Variants in PALS2 observed in about 807,000 individuals in gnomAD.
PALS2 encodes protein associated with LIN7 2, MAGUK p55 family member, also known as protein PALS2.
PALS2 carries 27 observed loss-of-function variants against 61.6 expected under a neutral mutation model. The observed-to-expected ratio is 0.44, with a 90% CI of 0.32 to 0.60. PALS2 has a LOEUF of 0.60. PALS2 is among the 20% of genes least tolerant of loss of function. The pLI is 0.05. For missense variants in PALS2, 554 were observed against 639.4 expected, an observed-to-expected ratio of 0.87 and a Z score of 1.44; for synonymous variants, 236 against 218.6, an observed-to-expected ratio of 1.08 and a Z score of -0.70.
chr7:24,676,754 T>A (rs1787620288), intron 9 of PALS2, among the ~76,000 whole-genome samples: 1 of 151,164 alleles, frequency 6.6e-6, no homozygotes, highest in Non-Finnish European at 1.5e-5. Context: ...TTGGTACCAG[T>A]CCCATGCTGT....
At position 24,679,916 on chromosome 7, in the gene PALS2, A is replaced by G. The variant is rs543235378; in HGVS notation, c.1318-476A>G. 8.0e-4 allele frequency among the ~76,000 whole-genome samples: 122 copies of G among 152,320 alleles called. No homozygotes were observed. The South Asian group carries it at 9.7e-3, about 12-fold the overall frequency. On this transcript the variant is annotated intron_variant, in intron 10 of 11. Coordinates refer to ENST00000222644, the MANE Select transcript of PALS2 (RefSeq NM_001303037.2). Reference sequence around the variant, plus strand: ...TTCTGTTTTTGTTGTTTCTTTTTACATAAATGGAAAAATTCTATATAGATT... The same window carrying G: ...TTCTGTTTTTGTTGTTTCTTTTTACGTAAATGGAAAAATTCTATATAGATT...
At chr7:24,634,837 C>T (rs1032106779) in intron 2 of PALS2, among the ~76,000 whole-genome samples, 1 of 152,054 alleles carries the variant, frequency 6.6e-6, no homozygotes, top group South Asian at 2.1e-4. Flanking sequence ...TATTTTTTCC[C>T]CATTGAGTGG....
At chr7:24,625,629 T>A (rs908104139) in intron 2 of PALS2, among the ~76,000 whole-genome samples, 1 of 152,178 alleles carries the variant, frequency 6.6e-6, no homozygotes, top group Non-Finnish European at 1.5e-5. Flanking sequence ...TCTTAAAAAC[T>A]GGTGGGAGTA....
Position 24,679,198 on chromosome 7 carries a change from G to A in PALS2, c.1182G>A (p.Glu394=). The A allele has an allele frequency of 6.2e-7, 1 of 1,614,004 alleles. No individual in the cohort carries two copies. The part of the protein sequence containing the change: ...GQAYKFVSRS[E]MEADIKAGKY... ...CATATAAGTTTGTGTCACGATCTGA[G>A]ATGGAAGCAGATATTAAAGCTGGAA... Residue 394 remains glutamate (E), a synonymous_variant, in exon 10 of 12, where the codon GAG becomes GAA. Coordinates refer to ENST00000222644, the MANE Select transcript of PALS2 (RefSeq NM_001303037.2).
rs758606620 is a variant in PALS2, at chr7:24,623,656, A to T, written c.-2-10A>T. The T allele has an allele frequency of 2.0e-6, 3 of 1,503,054 alleles. No homozygotes were observed. The highest frequency in any genetic ancestry group is 2.7e-6 in the Non-Finnish European group (3 of 1,104,198). The allele number at this position is 1,503,054 out of a possible 1,614,324, so 93.1% of individuals were successfully genotyped here. A position where few individuals can be genotyped will look rare whatever the true frequency, so the allele number is the denominator to read the frequency against. ...GTTTGTTTGTTTTTATGTTGCTTTT[A>T]TCTCAGCAGCAATGCAGCAAGTCTT... On this transcript the variant is annotated splice_polypyrimidine_tract_variant and intron_variant, in intron 1 of 11. Transcript: ENST00000222644.
chr7:24,658,344 T>C (rs1786532885), intron 5 of PALS2, among the ~76,000 whole-genome samples: 1 of 152,188 alleles, frequency 6.6e-6, no homozygotes, highest in Admixed American at 6.5e-5. Context: ...GAATATAATA[T>C]GTAAAGTTGA....
At chr7:24,639,258 C>T (rs890579092) in intron 2 of PALS2, among the ~76,000 whole-genome samples, 9 of 152,110 alleles carry the variant, frequency 5.9e-5, no homozygotes, top group Admixed American at 5.9e-4. Context: ...GTAAAGTAAG[C>T]TTTAATAGAT....
chr7:24,646,892 G>A (rs1785859645), intron 3 of PALS2, among the ~76,000 whole-genome samples: 1 of 152,106 alleles, frequency 6.6e-6, no homozygotes, highest in Non-Finnish European at 1.5e-5. Flanking sequence ...GGTTGTATAT[G>A]TCTAGGAATT....
intron 5 of PALS2, among the ~76,000 whole-genome samples, chr7:24,651,859 T>A (rs946234223): frequency 1.1e-4 from 16 of 152,236 alleles, no homozygotes; most frequent in Admixed American, 9.2e-4. Context: ...TTATTTGAAA[T>A]AACATTTCAT....
At chr7:24,577,451 T>G (rs545595675) in intron 1 of PALS2, among the ~76,000 whole-genome samples, 12 of 152,250 alleles carry the variant, frequency 7.9e-5, no homozygotes, top group African/African-American at 2.6e-4. Context: ...ATAATGAATA[T>G]TTCATAAAGC....
In PALS2 at chr7:24,687,712, C is replaced by G. The variant is rs1335341560; in HGVS notation, c.*98C>G. On this transcript the variant is annotated 3_prime_UTR_variant, in exon 12 of 12. Coordinates refer to ENST00000222644, the MANE Select transcript of PALS2 (RefSeq NM_001303037.2). This position sits in a 1 kb window ranked among gnomAD's most constrained non-coding sequence, Gnocchi z 4.5. Reference sequence around the variant, plus strand: ...AAATACATCACAGATAGAAGATTATCTGCTAAGTCCAGGCATTTTTATGGT... The same window carrying G: ...AAATACATCACAGATAGAAGATTATGTGCTAAGTCCAGGCATTTTTATGGT... The G allele has an allele frequency of 8.1e-7, 1 of 1,238,406 alleles. No homozygotes were observed. The highest frequency in any genetic ancestry group is 1.1e-6 in the Non-Finnish European group (1 of 908,418). 76.7% of individuals were successfully genotyped at this position (1,238,406 alleles called of 1,614,324 possible).
chr7:24,660,197 A>G (rs182477323), intron 5 of PALS2, among the ~76,000 whole-genome samples: 4 of 152,256 alleles, frequency 2.6e-5, no homozygotes, highest in Admixed American at 6.5e-5. Context: ...GGAGTGATTT[A>G]TCTTTATTAC....
chr7:24,640,809 C>G (rs1046300278), intron 2 of PALS2, among the ~76,000 whole-genome samples: 3 of 151,896 alleles, frequency 2.0e-5, no homozygotes, highest in African/African-American at 4.8e-5. Flanking sequence ...GAGATCAAGA[C>G]CATCCTGGCT....
At chr7:24,659,397 C>G (rs1187316820) in intron 5 of PALS2, among the ~76,000 whole-genome samples, 1 of 152,136 alleles carries the variant, frequency 6.6e-6, no homozygotes, top group Non-Finnish European at 1.5e-5. Flanking sequence ...ATGATAGTTC[C>G]GTTTTAAGTT....
chr7:24,660,013 T>A (rs1786631945), intron 5 of PALS2, among the ~76,000 whole-genome samples: 1 of 152,218 alleles, frequency 6.6e-6, no homozygotes, highest in Admixed American at 6.5e-5. Flanking sequence ...AAACCCTCTC[T>A]GCAGTTAGCT....
intron 2 of PALS2, among the ~76,000 whole-genome samples, chr7:24,640,862 G>C (rs1310209779): frequency 6.6e-6 from 1 of 151,904 alleles, no homozygotes; most frequent in Non-Finnish European, 1.5e-5. Flanking sequence ...CAAAAAATTA[G>C]CCAGGCTTGG....
rs1786084694 is a variant in PALS2 at position 24,650,527 on chromosome 7, C to G, written c.466C>G (p.Arg156Gly). ...TGAAAATAATGATCTGGTAATTGCC[C>G]GAATCCTCCATGGGGGAATGATAGA... ...RVENNDLVIA[R>G]ILHGGMIDRQ... is the part of the protein sequence containing the mutation. Residue 156 changes from arginine to glycine, a missense_variant, in exon 5 of 12, where the codon CGA (arginine) becomes GGA (glycine). Physicochemically the swap from Arg to Gly is moderately radical, Grantham distance 125 (BLOSUM62 -2). Coordinates refer to ENST00000222644, the MANE Select transcript of PALS2 (RefSeq NM_001303037.2). The G allele has an allele frequency of 6.2e-7, 1 of 1,610,020 alleles. No homozygotes were observed. Among genetic ancestry groups the G allele is most frequent in the Non-Finnish European group, 8.5e-7 (1 of 1,178,840 alleles).
At chr7:24,652,800 A>G (rs1786226187) in intron 5 of PALS2, among the ~76,000 whole-genome samples, 1 of 152,200 alleles carries the variant, frequency 6.6e-6, no homozygotes, top group African/African-American at 2.4e-5. Flanking sequence ...ATGAAAGCCA[A>G]GAACTCTTCC....
At chr7:24,587,049 TTTTTTGG>T (rs1410618361) in intron 1 of PALS2, among the ~76,000 whole-genome samples, 2 of 151,690 alleles carry the variant, frequency 1.3e-5, no homozygotes, top group African/African-American at 4.8e-5. Flanking sequence ...TTGTTTTTTG[TTTTTTGG>T]TTATTTTTAT....
Sources: gnomAD v4.1 joint callset for allele counts (sites outside exome capture counted in the v4.1 genomes callset) on GRCh38, gnomAD v4.1.1 for gene constraint, Gnocchi (gnomAD v3.1) non-coding constraint, MANE v1.5 for transcripts, NCBI Gene and HGNC (gene_info 2026-07-23, HGNC 2026-07-21) for gene names.